ITGB4: variants seen among roughly 807,000 people sequenced by gnomAD.
The protein encoded by ITGB4 is integrin beta-4.
In ITGB4, 159 loss-of-function variants were observed where a neutral mutation model predicts 207.6. The observed-to-expected ratio is 0.77, with a 90% CI of 0.67 to 0.87. The LOEUF (loss-of-function observed/expected upper bound fraction) is 0.87, where lower values mean the gene tolerates loss of function less well. Among genes scored for constraint, ITGB4 ranks in the 40% least tolerant of loss-of-function variants. The pLI is 0.00. For missense variants in ITGB4, 2,278 were observed against 2,546.8 expected (o/e 0.89, Z 2.27); for synonymous variants, 1,020 against 1,062.7 (o/e 0.96, Z 0.78).
chr17:75,728,989 A>C (rs1325766869), intron 6 of ITGB4, among the ~76,000 whole-genome samples: 1 of 148,172 alleles, frequency 6.7e-6, no homozygotes, highest in African/African-American at 2.5e-5. Flanking sequence ...GTCTCAACAA[A>C]AAAAAAAAAA....
At chr17:75,755,032 A>T (rs1201026177) in intron 34 of ITGB4, 13 of 1,586,288 alleles carry the variant, frequency 8.2e-6, no homozygotes, top group Non-Finnish European at 1.0e-5. Flanking sequence ...TGCTCCTCTC[A>T]CTCTTGTTTT....
chr17:75,746,513 CA>C lies in ITGB4; in HGVS notation c.3112-2327del, dbSNP rs1158134301. The C allele has an allele frequency of 2.7e-5, 4 of 150,176 alleles. No homozygotes were observed. The East Asian group carries it at 8.1e-4, about 30-fold the overall frequency. 9.3% of individuals were successfully genotyped at this position (150,176 alleles called of 1,614,324 possible). On this transcript the variant is annotated intron_variant, in intron 26 of 39. Coordinates refer to ENST00000200181, the MANE Select transcript of ITGB4 (RefSeq NM_000213.5). ...CCCAAAGTGCTGGGATTACAGGCAT[CA>C]GCCACCGCGCCCGGCCATTTTATAT...
chr17:75,752,447 C>T lies in ITGB4; in HGVS notation c.3978C>T (p.Ile1326=). 6.2e-7 allele frequency: 1 copy of T among 1,613,402 alleles called. No individual in the cohort carries two copies. Among genetic ancestry groups the T allele is most frequent in the Non-Finnish European group, 8.5e-7 (1 of 1,179,988 alleles). Residue 1326 remains isoleucine, a splice_region_variant and synonymous_variant, in exon 32 of 40, where the codon ATC becomes ATT. Transcript: ENST00000200181. Reference sequence around the variant, plus strand: ...CTGGCTCACTCCCCTGCCCTGCAGTCCCCATCATCCCTGACATCCCTATCG... The same window carrying T: ...CTGGCTCACTCCCCTGCCCTGCAGTTCCCATCATCCCTGACATCCCTATCG... The part of the protein sequence containing the change: ...LATQPKRPMS[I]PIIPDIPIVD...
At position 75,750,105 on chromosome 17, in the gene ITGB4, C is replaced by G. The variant is rs748736666; in HGVS notation, c.3317-6C>G. On this transcript the variant is annotated splice_polypyrimidine_tract_variant and splice_region_variant and intron_variant, in intron 27 of 39. Coordinates refer to ENST00000200181, the MANE Select transcript of ITGB4 (RefSeq NM_000213.5). This position sits in a 1 kb window ranked among gnomAD's most constrained non-coding sequence, Gnocchi z 5.5. ...GTGGTTGCCCGGCCCCAACCTGACCCGTTAGATGAACTGGACCGGAGCTTC... is the reference window on the plus strand; with the variant it reads ...GTGGTTGCCCGGCCCCAACCTGACCGGTTAGATGAACTGGACCGGAGCTTC... The G allele has an allele frequency of 6.2e-7, 1 of 1,613,574 alleles. No homozygotes were observed. The highest frequency in any genetic ancestry group is 8.5e-7 in the Non-Finnish European group (1 of 1,180,022).
In ITGB4 at chr17:75,739,666, T is replaced by C; in HGVS notation, c.2221-6T>C. On this transcript the variant is annotated splice_polypyrimidine_tract_variant and splice_region_variant and intron_variant, in intron 18 of 39. Transcript: ENST00000200181. The surrounding 1 kb of genome is among the most constrained non-coding windows in gnomAD (Gnocchi z 5.4). ...AGGCCTCACCCTCACCCACCTTGTC[T>C]CCTAGGCCTGCCTGGCACTTCTCCC... 1 of 1,614,110 alleles carries C rather than the reference T, an allele frequency of 6.2e-7. No individual in the cohort carries two copies. Among genetic ancestry groups the C allele is most frequent in the Non-Finnish European group, 8.5e-7 (1 of 1,180,034 alleles).
chr17:75,731,995 C>T lies in ITGB4; in HGVS notation c.1377+22C>T, dbSNP rs537292942. 6.9e-5 allele frequency: 111 copies of T among 1,613,840 alleles called. No individual in the cohort carries two copies. The highest frequency in any genetic ancestry group is 2.2e-5 in the South Asian group (2 of 91,086). On this transcript the variant is annotated intron_variant, in intron 11 of 39. Transcript: ENST00000200181. The surrounding 1 kb of genome is among the most constrained non-coding windows in gnomAD (Gnocchi z 6.8). Reference sequence around the variant, plus strand: ...GCTGGTACAACGCAGCCCCGCAGGGCGGGAGGGGAGAGCTGAGCCAAGCAC... The same window carrying T: ...GCTGGTACAACGCAGCCCCGCAGGGTGGGAGGGGAGAGCTGAGCCAAGCAC...
At chr17:75,735,406 TCTTTTC>T (rs1385296579) in intron 13 of ITGB4, among the ~76,000 whole-genome samples, 2 of 141,306 alleles carry the variant, frequency 1.4e-5, no homozygotes, top group Non-Finnish European at 3.1e-5. Flanking sequence ...ATTTCTTTTT[TCTTTTC>T]TTTTTTTTTT....
At chr17:75,747,440 C>T (rs907029779) in intron 26 of ITGB4, among the ~76,000 whole-genome samples, 1 of 152,096 alleles carries the variant, frequency 6.6e-6, no homozygotes, top group East Asian at 1.9e-4. Flanking sequence ...GATTGCGCCA[C>T]TTCACTCCAG....
rs759718860 is a variant in ITGB4, at chr17:75,742,795, C to T, written c.2962+34C>T. 8.9e-6 allele frequency: 14 copies of T among 1,569,954 alleles called. No homozygotes were observed. In the South Asian group the frequency reaches 1.1e-4, roughly 13 times the overall value. ...GGGTGGGGAGAGTGGGGAAGGCAGA[C>T]GGGGGCTCGGGGGCACTGGTTCCTC... On this transcript the variant is annotated intron_variant, in intron 25 of 39. Coordinates refer to ENST00000200181, the MANE Select transcript of ITGB4 (RefSeq NM_000213.5). The surrounding 1 kb of genome is among the most constrained non-coding windows in gnomAD (Gnocchi z 5.9).
At chr17:75,745,756 C>G (rs1369059777) in intron 26 of ITGB4, among the ~76,000 whole-genome samples, 1 of 151,926 alleles carries the variant, frequency 6.6e-6, no homozygotes, top group Non-Finnish European at 1.5e-5. Context: ...ACACGTGCCT[C>G]TAATCCCAGC....
chr17:75,757,081 T>C lies in ITGB4; in HGVS notation c.5192T>C (p.Ile1731Thr). 2 of 1,612,578 alleles carry C rather than the reference T, an allele frequency of 1.2e-6. No individual in the cohort carries two copies. The highest frequency in any genetic ancestry group is 8.5e-7 in the Non-Finnish European group (1 of 1,179,914). The change falls in exon 38 of 40, where the codon ATC (isoleucine) becomes ACC (threonine). Residue 1731 changes from isoleucine (I) to threonine (T), a missense_variant. Ile to Thr is a moderately conservative substitution (Grantham distance 89). Transcript: ENST00000200181. ...GGCTTCGGGCCAGAGCGCGAGGGCA[T>C]CATCACCATAGAGTCCCAGGATGGA... ...TEGFGPEREG[I>T]ITIESQDGGP...
At chr17:75,745,096 A>G (rs1213286317) in intron 26 of ITGB4, among the ~76,000 whole-genome samples, 1 of 152,120 alleles carries the variant, frequency 6.6e-6, no homozygotes, top group African/African-American at 2.4e-5. Context: ...CAACAAATCC[A>G]TAATTAAAAA....
chr17:75,751,988 T>C (rs2061376727), intron 30 of ITGB4, 186 bp from the exon 31 acceptor site: 4 of 737,266 alleles, frequency 5.4e-6, no homozygotes, highest in Non-Finnish European at 7.4e-6. Context: ...TGGTGACATA[T>C]GTCCACGCCA....
Position 75,731,907 on chromosome 17 carries a change from A to G in ITGB4, c.1311A>G (p.Lys437=). 1 of 1,613,886 alleles carries G rather than the reference A, an allele frequency of 6.2e-7. No individual in the cohort carries two copies. The highest frequency in any genetic ancestry group is 8.5e-7 in the Non-Finnish European group (1 of 1,179,978). ...ACCAGAAGGGCAACATCCATCTGAA[A>G]CCTTCCTTCTCCGACGGCCTCAAGA... ...PEDQKGNIHL[K]PSFSDGLKMD... The change falls in exon 11 of 40, where the codon AAA becomes AAG. Residue 437 remains lysine, a synonymous_variant. Coordinates refer to ENST00000200181, the MANE Select transcript of ITGB4 (RefSeq NM_000213.5). The surrounding 1 kb of genome is among the most constrained non-coding windows in gnomAD (Gnocchi z 6.8).
chr17:75,741,277 C>G (rs902818809), intron 23 of ITGB4, among the ~76,000 whole-genome samples: 3 of 152,196 alleles, frequency 2.0e-5, no homozygotes, highest in African/African-American at 4.8e-5. Flanking sequence ...TCCAGCCCCC[C>G]ACCCGGTACC....
rs1264499019 is a variant in ITGB4 at position 75,756,951 on chromosome 17, A to G, written c.5062A>G (p.Thr1688Ala). 1.9e-6 allele frequency: 3 copies of G among 1,612,538 alleles called. No homozygotes were observed. Among genetic ancestry groups the G allele is most frequent in the Non-Finnish European group, 8.5e-7 (1 of 1,179,898 alleles). ...CEMAQGGGPA[T>A]AFRVDGDSPE... ...GCATCTTCCCTGCTCAGGGCCAGCC[A>G]CCGCATTCCGGGTGGATGGAGACAG... Residue 1688 changes from threonine to alanine, a missense_variant, in exon 38 of 40, where the codon ACC (threonine) becomes GCC (alanine). By Grantham distance (58) the Thr-to-Ala change is moderately conservative (BLOSUM62 0). Coordinates refer to ENST00000200181, the MANE Select transcript of ITGB4 (RefSeq NM_000213.5).
At chr17:75,749,161 T>G in intron 27 of ITGB4, 116 bp downstream of exon 27, 1 of 826,594 alleles carries the variant, frequency 1.2e-6, no homozygotes, top group Admixed American at 2.1e-5. Flanking sequence ...TAAATCTGAA[T>G]TTCAGGTAAA....
Position 75,742,791 on chromosome 17 carries a change from C to T in ITGB4, c.2962+30C>T. ...GTCTGGGTGGGGAGAGTGGGGAAGGCAGACGGGGGCTCGGGGGCACTGGTT... is the reference window on the plus strand; with the variant it reads ...GTCTGGGTGGGGAGAGTGGGGAAGGTAGACGGGGGCTCGGGGGCACTGGTT... On this transcript the variant is annotated intron_variant, in intron 25 of 39. Coordinates refer to ENST00000200181, the MANE Select transcript of ITGB4 (RefSeq NM_000213.5). This position sits in a 1 kb window ranked among gnomAD's most constrained non-coding sequence, Gnocchi z 5.9. 6.3e-7 allele frequency: 1 copy of T among 1,589,506 alleles called. No homozygotes were observed.
At chr17:75,738,056 G>A (rs2061022415) in intron 18 of ITGB4, among the ~76,000 whole-genome samples, 1 of 152,172 alleles carries the variant, frequency 6.6e-6, no homozygotes, top group Non-Finnish European at 1.5e-5. Context: ...TGTGACCTTG[G>A]GCAAATTACT....
Sources: allele counts gnomAD v4.1 joint callset (sites outside exome capture counted in the v4.1 genomes callset), GRCh38; gene constraint gnomAD v4.1.1; non-coding constraint Gnocchi (gnomAD v3.1); transcripts MANE v1.5; gene names NCBI Gene and HGNC (gene_info 2026-07-23, HGNC 2026-07-21).